SLCO2B1: variants seen among roughly 807,000 people sequenced by gnomAD.
SLCO2B1 encodes the protein OATP-RP2.
SLCO2B1 carries 41 observed loss-of-function variants against 67.3 expected under a neutral mutation model. The ratio of observed to expected loss-of-function variants is 0.61; its 90% CI spans 0.47 to 0.79. The LOEUF is 0.79. Ranked by LOEUF, SLCO2B1 falls within the 30% of genes least tolerant of loss-of-function variation. The pLI, the probability that SLCO2B1 is intolerant of heterozygous loss-of-function variation, is 0.00. For missense variants in SLCO2B1, 837 were observed against 920.1 expected, an observed-to-expected ratio of 0.91 and a Z score of 1.17; for synonymous variants, 379 against 381.4, an observed-to-expected ratio of 0.99 and a Z score of 0.07.
chr11:75,164,160 A>C, intron 3 of SLCO2B1, 60 bp downstream of exon 3: 1 of 1,540,078 alleles, frequency 6.5e-7, no homozygotes. Flanking sequence ...CGCACCTTCC[A>C]CCAGCCTCCC....
chr11:75,203,595 C>A, intron 13 of SLCO2B1, 168 bp downstream of exon 13: 1 of 786,096 alleles, frequency 1.3e-6, no homozygotes. Context: ...AAACACTGCC[C>A]CCCTCCTTTT....
intron 7 of SLCO2B1, among the ~76,000 whole-genome samples, chr11:75,175,870 G>A (rs1309883332): frequency 6.6e-6 from 1 of 152,198 alleles, no homozygotes; most frequent in African/African-American, 2.4e-5. Context: ...TTCTCTGCCT[G>A]GGGGGCAGGG....
intron 7 of SLCO2B1, among the ~76,000 whole-genome samples, chr11:75,179,893 T>C (rs936432750): frequency 6.6e-6 from 1 of 152,036 alleles, no homozygotes; most frequent in Non-Finnish European, 1.5e-5. Flanking sequence ...CCAGGCTCCA[T>C]GTTGGCCAGG....
At chr11:75,195,767 G>T (rs1945089273) in intron 9 of SLCO2B1, among the ~76,000 whole-genome samples, 1 of 152,230 alleles carries the variant, frequency 6.6e-6, no homozygotes. Flanking sequence ...CTGGGCCTCT[G>T]TCTCCCTGGC....
intron 3 of SLCO2B1, among the ~76,000 whole-genome samples, chr11:75,165,019 C>T (rs889381892): frequency 2.6e-5 from 4 of 152,156 alleles, no homozygotes; most frequent in African/African-American, 7.2e-5. Context: ...GGTCACCAAT[C>T]AATAAGCAGC....
At chr11:75,181,938 G>A (rs1950096022) in intron 7 of SLCO2B1, among the ~76,000 whole-genome samples, 1 of 152,184 alleles carries the variant, frequency 6.6e-6, no homozygotes, top group Non-Finnish European at 1.5e-5. Context: ...GAGAACACAG[G>A]GTCAGGAGCT....
At chr11:75,187,624 A>G (rs1314896306) in intron 7 of SLCO2B1, among the ~76,000 whole-genome samples, 2 of 152,208 alleles carry the variant, frequency 1.3e-5, no homozygotes, top group Admixed American at 6.5e-5. Context: ...GATCATCATC[A>G]TGGTGGTAGT....
At chr11:75,196,441 G>A (rs1565549724) in intron 9 of SLCO2B1, 73 bp from the exon 10 acceptor site, 1 of 1,479,754 alleles carries the variant, frequency 6.8e-7, no homozygotes, top group Non-Finnish European at 9.2e-7. Context: ...TCGGCTACAG[G>A]GCCGAGGATG....
At chr11:75,157,547 A>G (rs1249162051) in intron 1 of SLCO2B1, among the ~76,000 whole-genome samples, 3 of 152,190 alleles carry the variant, frequency 2.0e-5, no homozygotes, top group Non-Finnish European at 4.4e-5. Flanking sequence ...GTTTACCTGG[A>G]GGAAGACCAG....
intron 2 of SLCO2B1, 145 bp from the exon 3 acceptor site, chr11:75,163,818 C>A (rs765082215): frequency 4.5e-6 from 4 of 892,134 alleles, no homozygotes; most frequent in Non-Finnish European, 6.7e-6. Context: ...CTCTGTCTCT[C>A]TTCTGTTGGT....
At chr11:75,166,277 T>C (rs918321082) in intron 4 of SLCO2B1, among the ~76,000 whole-genome samples, 2 of 152,192 alleles carry the variant, frequency 1.3e-5, no homozygotes, top group Non-Finnish European at 2.9e-5. Context: ...GAATTGCGTG[T>C]GTAATAATAA....
chr11:75,196,734 C>G, intron 10 of SLCO2B1, 55 bp downstream of exon 10: 1 of 1,512,008 alleles, frequency 6.6e-7, no homozygotes, highest in Non-Finnish European at 9.0e-7. Flanking sequence ...CCTGCCCTGT[C>G]TCTGTGGGCC....
intron 7 of SLCO2B1, among the ~76,000 whole-genome samples, chr11:75,176,632 C>A (rs1329936456): frequency 6.6e-6 from 1 of 152,178 alleles, no homozygotes; most frequent in East Asian, 1.9e-4. Context: ...GTCTCCCAGT[C>A]GTTAACTTCC....
chr11:75,152,626 T>G (rs1591803847), intron 1 of SLCO2B1: 1 of 151,054 alleles, frequency 6.6e-6, no homozygotes, highest in African/African-American at 2.4e-5. Flanking sequence ...GAGCGGGGAG[T>G]GTGGGAACTA....
At chr11:75,203,541 G>GTGTCATTATAT (rs1945220078) in intron 13 of SLCO2B1, 114 bp downstream of exon 13, 8 of 1,354,900 alleles carry the variant, frequency 5.9e-6, no homozygotes, top group Non-Finnish European at 7.2e-6. Context: ...TAGGTGACAG[G>GTGTCATTATAT]TGTCATTATA....
chr11:75,200,900 C>T (rs1945171344), intron 11 of SLCO2B1: 1 of 152,502 alleles, frequency 6.6e-6, no homozygotes. Flanking sequence ...GGGCCAAGAT[C>T]TTTGTGGCCC....
At chr11:75,175,438 G>A (rs1591820420) in intron 7 of SLCO2B1, among the ~76,000 whole-genome samples, 1 of 152,198 alleles carries the variant, frequency 6.6e-6, no homozygotes, top group South Asian at 2.1e-4. Flanking sequence ...GGCAAGAGGA[G>A]AAAGTGAAGG....
rs1319668469 is a variant in SLCO2B1, at chr11:75,205,642, TGGGCTGGTGTCA to T, written c.*1065_*1076del. The T allele has an allele frequency of 6.6e-6, 1 of 152,294 alleles. No homozygotes were observed. The highest frequency in any genetic ancestry group is 2.4e-5 in the African/African-American group (1 of 41,446). 9.4% of individuals were successfully genotyped at this position (152,294 alleles called of 1,614,324 possible). A position where few individuals can be genotyped will look rare whatever the true frequency, so the allele number is the denominator to read the frequency against. On this transcript the variant is annotated 3_prime_UTR_variant, in exon 14 of 14. Coordinates refer to ENST00000289575, the MANE Select transcript of SLCO2B1 (RefSeq NM_007256.5). ...GGGTGGCACCTGGTTCTCCGATGCC[TGGGCTGGTGTCA>T]GGCCCAGGACTGTAGTGCTGGGAGC...
intron 7 of SLCO2B1, among the ~76,000 whole-genome samples, chr11:75,178,686 C>T (rs1263483845): frequency 6.6e-6 from 1 of 152,042 alleles, no homozygotes; most frequent in Non-Finnish European, 1.5e-5. Flanking sequence ...TGCAAGTGTG[C>T]AATATATTGT....
Sources: allele counts gnomAD v4.1 joint callset (sites outside exome capture counted in the v4.1 genomes callset), GRCh38; gene constraint gnomAD v4.1.1; transcripts MANE v1.5; gene names NCBI Gene and HGNC (gene_info 2026-07-23, HGNC 2026-07-21).